Variants in PRKCE observed in about 807,000 individuals in gnomAD.
PRKCE encodes the protein protein kinase C epsilon type.
A neutral mutation model predicts 85.4 loss-of-function variants in PRKCE; 16 were observed. The ratio of observed to expected loss-of-function variants is 0.19; its 90% confidence interval spans 0.13 to 0.28. The LOEUF (loss-of-function observed/expected upper bound fraction) is 0.28. Among genes scored for constraint, PRKCE ranks in the 10% least tolerant of loss-of-function variants. PRKCE has a pLI of 1.00. For missense variants in PRKCE, 573 were observed against 975.2 expected (o/e 0.59, Z 5.49); for synonymous variants, 388 against 371.5 (o/e 1.04, Z -0.51).
intron 2 of PRKCE, among the ~76,000 whole-genome samples, chr2:45,921,037 C>G (rs1323250437): frequency 6.6e-6 from 1 of 152,204 alleles, no homozygotes; most frequent in Non-Finnish European, 1.5e-5. Flanking sequence ...GAGAGTAGCT[C>G]CCTCTGAGGA....
In PRKCE at chr2:45,966,949, A is replaced by C. The variant is rs771951894; in HGVS notation, c.413-9480A>C. 5.9e-5 allele frequency among the ~76,000 whole-genome samples: 9 copies of C among 152,304 alleles called. No individual in the cohort carries two copies. In the Middle Eastern group the frequency reaches 0.014, roughly 230 times the overall value. On this transcript the variant is annotated intron_variant, in intron 2 of 14. Transcript: ENST00000306156. Reference sequence around the variant, plus strand: ...GAGAGATGCAGGGTTTCTGGAAGTCAGTATTGGATTACTAAAGCCACAGCT... The same window carrying C: ...GAGAGATGCAGGGTTTCTGGAAGTCCGTATTGGATTACTAAAGCCACAGCT...
chr2:45,651,952 G>T lies in PRKCE; in HGVS notation c.-149G>T, dbSNP rs554579350. ...ACTGGCTGAGAATCGCCCGCGCCAG[G>T]GCGCAACGCCACAAGGTGTAGGGAG... On this transcript the variant is annotated 5_prime_UTR_variant, in exon 1 of 15. Transcript: ENST00000306156. The T allele has an allele frequency of 1.2e-4, 72 of 616,114 alleles. No individual in the cohort carries two copies. The East Asian group carries it at 2.0e-3, about 17-fold the overall frequency. The allele number at this position is 616,114 out of a possible 1,614,324, so 38.2% of individuals were successfully genotyped here.
At chr2:46,070,274 A>G (rs939330689) in intron 10 of PRKCE, among the ~76,000 whole-genome samples, 1 of 151,248 alleles carries the variant, frequency 6.6e-6, no homozygotes, top group African/African-American at 2.4e-5. Context: ...ACCAGAGCAC[A>G]GGCTTCCTGT....
intron 1 of PRKCE, among the ~76,000 whole-genome samples, chr2:45,744,482 TTTCTTTTTCTTTCTTTC>T (rs1299246085): frequency 0.034 from 1,883 of 56,166 alleles, 45 homozygotes; most frequent in African/African-American, 0.081. Context: ...TCTTTCTTTC[TTTCTTTTTCTTTCTTTC>T]TTTTCTTTCT....
At chr2:45,855,450 G>A (rs1692596250) in intron 2 of PRKCE, among the ~76,000 whole-genome samples, 1 of 152,216 alleles carries the variant, frequency 6.6e-6, no homozygotes. Flanking sequence ...CCCCAATTGT[G>A]TGAACCCTTC....
intron 1 of PRKCE, among the ~76,000 whole-genome samples, chr2:45,686,784 T>G (rs1178988723): frequency 6.6e-6 from 1 of 152,122 alleles, no homozygotes; most frequent in Non-Finnish European, 1.5e-5. Context: ...AAATCAGTAG[T>G]ACAGAATAGA....
At chr2:45,919,162 G>A (rs1698061108) in intron 2 of PRKCE, among the ~76,000 whole-genome samples, 1 of 152,210 alleles carries the variant, frequency 6.6e-6, no homozygotes, top group African/African-American at 2.4e-5. Flanking sequence ...GATGAGTAGG[G>A]GTTGTGGGGT....
intron 2 of PRKCE, among the ~76,000 whole-genome samples, chr2:45,864,927 C>T (rs1426822780): frequency 6.6e-6 from 1 of 152,166 alleles, no homozygotes; most frequent in Non-Finnish European, 1.5e-5. Flanking sequence ...TTGCTGGGCT[C>T]CACCTTCACA....
At chr2:45,810,143 C>T (rs564086721) in intron 1 of PRKCE, among the ~76,000 whole-genome samples, 15 of 151,876 alleles carry the variant, frequency 9.9e-5, no homozygotes, top group African/African-American at 2.4e-4. Flanking sequence ...CAGGTTCAAG[C>T]GATTCTCCTG....
chr2:45,655,336 G>A (rs779068580), intron 1 of PRKCE, among the ~76,000 whole-genome samples: 51 of 149,374 alleles, frequency 3.4e-4, no homozygotes, highest in Non-Finnish European at 6.1e-4. Context: ...TTCCTAAAAC[G>A]TTATAAGTTT....
intron 14 of PRKCE, among the ~76,000 whole-genome samples, chr2:46,177,848 G>A (rs11695495): frequency 0.17 from 26,587 of 152,182 alleles, 2,490 homozygotes; most frequent in African/African-American, 0.21. Flanking sequence ...CTTAGACAAT[G>A]TTAATGTAAT....
At chr2:46,104,832 C>T (rs561658678) in intron 11 of PRKCE, among the ~76,000 whole-genome samples, 35 of 152,284 alleles carry the variant, frequency 2.3e-4, no homozygotes, top group African/African-American at 8.2e-4. Flanking sequence ...AACCGAAAGA[C>T]TGGCGGCTGG....
At chr2:45,771,702 C>CATGTGT (rs544416568) in intron 1 of PRKCE, among the ~76,000 whole-genome samples, 2 of 146,814 alleles carry the variant, frequency 1.4e-5, no homozygotes, top group South Asian at 2.2e-4. Flanking sequence ...CAGAGTGGGG[C>CATGTGT]GTGTGTGTGT....
At chr2:45,939,331 G>C (rs974324920) in intron 2 of PRKCE, among the ~76,000 whole-genome samples, 3 of 152,152 alleles carry the variant, frequency 2.0e-5, no homozygotes, top group Non-Finnish European at 4.4e-5. Flanking sequence ...CTTCCCCTGT[G>C]TTCACCACTT....
At chr2:46,158,970 G>C (rs918734450) in intron 13 of PRKCE, among the ~76,000 whole-genome samples, 4 of 152,080 alleles carry the variant, frequency 2.6e-5, no homozygotes, top group African/African-American at 9.7e-5. Context: ...TACAAGCATT[G>C]AAAAGGAATA....
Position 45,921,898 on chromosome 2 carries a change from A to G in PRKCE, c.413-54531A>G, listed in dbSNP as rs952065481. Among the ~76,000 whole-genome samples, 27 of 152,192 alleles carry G rather than the reference A, an allele frequency of 1.8e-4. 1 individual carries two copies. The highest frequency in any genetic ancestry group is 3.8e-4 in the Non-Finnish European group (26 of 68,030). On this transcript the variant is annotated intron_variant, in intron 2 of 14. Transcript: ENST00000306156. ...ATGGAGGCAGTCAACTGATTTCTAT[A>G]TTGTTTTTGATATTTGGTTTAGTAG...
intron 2 of PRKCE, among the ~76,000 whole-genome samples, chr2:45,963,243 C>T (rs1158246626): frequency 6.6e-6 from 1 of 152,178 alleles, no homozygotes; most frequent in Non-Finnish European, 1.5e-5. Context: ...TTTCTGGGAA[C>T]ATGTGGGGTT....
intron 13 of PRKCE, among the ~76,000 whole-genome samples, chr2:46,154,827 C>T (rs1238338229): frequency 6.6e-6 from 1 of 150,576 alleles, no homozygotes; most frequent in Non-Finnish European, 1.5e-5. Flanking sequence ...TTTCCACTTT[C>T]TAACCCACTA....
chr2:46,009,969 G>A (rs1387662715), intron 9 of PRKCE, among the ~76,000 whole-genome samples: 1 of 152,238 alleles, frequency 6.6e-6, no homozygotes, highest in Non-Finnish European at 1.5e-5. Context: ...CAACAGATGT[G>A]CATTGAACTT....
Sources: gnomAD v4.1 joint callset for allele counts (sites outside exome capture counted in the v4.1 genomes callset) on GRCh38, gnomAD v4.1.1 for gene constraint, MANE v1.5 for transcripts, NCBI Gene and HGNC (gene_info 2026-07-23, HGNC 2026-07-21) for gene names.